The following KLHDC4 variants were observed in gnomAD, a reference collection of about 807,000 sequenced individuals.
The protein encoded by KLHDC4 is kelch domain-containing protein 4.
KLHDC4 carries 90 observed loss-of-function variants against 62.4 expected under a neutral mutation model. The ratio of observed to expected loss-of-function variants is 1.44; its 90% confidence interval spans 1.22 to 1.72. KLHDC4 has a LOEUF of 1.72. KLHDC4 is among the 40% of genes most tolerant of loss of function. The pLI is 0.00. For synonymous variants in KLHDC4, 386 were observed against 284.4 expected (o/e 1.36, Z -3.59); for missense variants, 1,025 against 699.7 (o/e 1.47, Z -5.25).
chr16:87,724,697 G>A (rs1255590965), intron 7 of KLHDC4, among the ~76,000 whole-genome samples: 1 of 152,112 alleles, frequency 6.6e-6, no homozygotes, highest in East Asian at 1.9e-4. Context: ...GTATGAACAG[G>A]GGGCAACTGG....
chr16:87,764,976 G>A, intron 1 of KLHDC4: 1 of 370,404 alleles, frequency 2.7e-6, no homozygotes, highest in Non-Finnish European at 5.4e-6. Context: ...CCTGATTCAG[G>A]ACATCTGGTC....
intron 5 of KLHDC4, among the ~76,000 whole-genome samples, chr16:87,733,486 C>A (rs1242919928): frequency 6.6e-6 from 1 of 152,196 alleles, no homozygotes; most frequent in East Asian, 1.9e-4. Flanking sequence ...TGGGACTACC[C>A]AGGGAATCTC....
intron 4 of KLHDC4, among the ~76,000 whole-genome samples, chr16:87,750,658 G>C (rs989658316): frequency 6.6e-6 from 1 of 152,196 alleles, no homozygotes; most frequent in Non-Finnish European, 1.5e-5. Flanking sequence ...GCAGACAGTG[G>C]TCCTCAGCAG....
intron 5 of KLHDC4, among the ~76,000 whole-genome samples, chr16:87,731,405 C>A: frequency 6.6e-6 from 1 of 151,320 alleles, no homozygotes; most frequent in African/African-American, 2.4e-5. Context: ...ATAAATGACC[C>A]AATAAAAATA....
At position 87,741,177 on chromosome 16, in the gene KLHDC4, G is replaced by C. The variant is rs1408472017; in HGVS notation, c.506+7496C>G. Reference sequence around the variant, plus strand: ...GTTGCTAGAATGGAGAAGACAATGAGAGACTGTTAAAAAGTATCCACTAGT... The same window carrying C: ...GTTGCTAGAATGGAGAAGACAATGACAGACTGTTAAAAAGTATCCACTAGT... On this transcript the variant is annotated intron_variant, in intron 5 of 11. Coordinates refer to ENST00000270583, the MANE Select transcript of KLHDC4 (RefSeq NM_017566.4). Among the ~76,000 whole-genome samples the C allele has an allele frequency of 2.0e-5, 3 of 152,198 alleles. No individual in the cohort carries two copies. In the East Asian group the frequency reaches 5.8e-4, roughly 29 times the overall value.
intron 4 of KLHDC4, 51 bp from the exon 5 acceptor site, chr16:87,748,860 C>A (rs1381205516): frequency 6.2e-7 from 1 of 1,606,554 alleles, no homozygotes; most frequent in African/African-American, 1.4e-5. Flanking sequence ...GCAGAAGGGC[C>A]AGTGTCATGG....
chr16:87,720,527 AGCCCCTGCGGAGACGCCGC>A (rs140844172), intron 7 of KLHDC4, among the ~76,000 whole-genome samples: 19,128 of 152,226 alleles, frequency 0.13, 1,391 homozygotes, highest in African/African-American at 0.19. Context: ...ACAGGTGATG[AGCCCCTGCGGAGACGCCGC>A]GCCCCTGGGG....
At chr16:87,706,270 G>A (rs569543879), downstream of KLHDC4, among the ~76,000 whole-genome samples, 1 of 119,962 alleles carries the variant, frequency 8.3e-6, no homozygotes, top group Non-Finnish European at 1.7e-5. Flanking sequence ...CCTTGAGGGG[G>A]TCGGTGGCGG....
chr16:87,701,701 C>T (rs1001890785), exon 1 of KLHDC4: 1 of 456,688 alleles, frequency 2.2e-6, no homozygotes. Flanking sequence ...GTCTCAGACA[C>T]ACCCTTCTCG....
chr16:87,732,015 G>A (rs928473905), intron 5 of KLHDC4, among the ~76,000 whole-genome samples: 1 of 151,758 alleles, frequency 6.6e-6, no homozygotes, highest in African/African-American at 2.4e-5. Flanking sequence ...GGCAGGAGCT[G>A]GGAGGGGACC....
chr16:87,740,872 A>G (rs1001630136), intron 5 of KLHDC4: 1 of 152,126 alleles, frequency 6.6e-6, no homozygotes, highest in Non-Finnish European at 1.5e-5. Context: ...AAAATAAGAA[A>G]CAGTACGGAG....
At chr16:87,755,160 A>C (rs1164497667) in intron 4 of KLHDC4, 34 bp downstream of exon 4, 1 of 1,407,004 alleles carries the variant, frequency 7.1e-7, no homozygotes, top group Non-Finnish European at 1.0e-6. Context: ...ACGTGGGAAG[A>C]GGGAGGGTGG....
At chr16:87,721,472 C>T (rs2038329942) in intron 7 of KLHDC4, among the ~76,000 whole-genome samples, 1 of 151,052 alleles carries the variant, frequency 6.6e-6, no homozygotes, top group South Asian at 2.1e-4. Flanking sequence ...CACAGGTCTG[C>T]GTGTGCTGGA....
In KLHDC4 at chr16:87,736,085, G is replaced by A. The variant is rs533182121; in HGVS notation, c.507-5441C>T. On this transcript the variant is annotated intron_variant, in intron 5 of 11. Transcript: ENST00000270583. ...GCTTAATGACAGAGACGGGTTCTGG[G>A]AAACAACACATCATTAGGCGACCTT... 5.3e-5 allele frequency among the ~76,000 whole-genome samples: 8 copies of A among 152,356 alleles called. No individual in the cohort carries two copies. In the South Asian group the frequency reaches 6.2e-4, roughly 12 times the overall value.
chr16:87,704,553 C>T (rs1293595927), downstream of KLHDC4, among the ~76,000 whole-genome samples: 6 of 146,570 alleles, frequency 4.1e-5, no homozygotes, highest in African/African-American at 1.3e-4. Flanking sequence ...CTGAACGTCA[C>T]GGGGAAGGAG....
chr16:87,742,064 A>C (rs944883240), intron 5 of KLHDC4, among the ~76,000 whole-genome samples: 1 of 152,114 alleles, frequency 6.6e-6, no homozygotes, highest in African/African-American at 2.4e-5. Flanking sequence ...TTGTGGCTGA[A>C]TCTCCTGACC....
chr16:87,705,139 C>A (rs1472664746), downstream of KLHDC4, among the ~76,000 whole-genome samples: 2 of 152,260 alleles, frequency 1.3e-5, no homozygotes, highest in South Asian at 2.1e-4. Context: ...CAGCGAGGAA[C>A]TGGGCAAGAA....
chr16:87,758,404 C>T (rs1241813845), intron 2 of KLHDC4, among the ~76,000 whole-genome samples: 2 of 152,198 alleles, frequency 1.3e-5, no homozygotes, highest in Non-Finnish European at 2.9e-5. Flanking sequence ...ACACATGCCA[C>T]AGAACTGATG....
At chr16:87,705,848 G>C (rs1435152629), downstream of KLHDC4, among the ~76,000 whole-genome samples, 5 of 152,204 alleles carry the variant, frequency 3.3e-5, no homozygotes, top group African/African-American at 1.2e-4. Context: ...AACCCTGTCC[G>C]AGCCTCTTCC....
Sources: gnomAD v4.1 joint callset for allele counts (sites outside exome capture counted in the v4.1 genomes callset) on GRCh38, gnomAD v4.1.1 for gene constraint, MANE v1.5 for transcripts, NCBI Gene and HGNC (gene_info 2026-07-23, HGNC 2026-07-21) for gene names.